Variants in SLC45A4 observed in about 807,000 individuals in gnomAD.
The protein encoded by SLC45A4 is solute carrier family 45 member 4.
In SLC45A4, 32 loss-of-function variants were observed where a neutral mutation model predicts 63.7. The observed-to-expected ratio is 0.50, with a 90% confidence interval of 0.38 to 0.67. The LOEUF (loss-of-function observed/expected upper bound fraction) is 0.67. Among genes scored for constraint, SLC45A4 ranks in the 30% least tolerant of loss-of-function variants. The pLI is 0.00. For missense variants in SLC45A4, 1,027 were observed against 1,157.7 expected (o/e 0.89, Z 1.64); for synonymous variants, 535 against 510.0 (o/e 1.05, Z -0.66).
chr8:141,286,369 G>A (rs753470805), intron 1 of SLC45A4, among the ~76,000 whole-genome samples: 1 of 152,196 alleles, frequency 6.6e-6, no homozygotes, highest in Non-Finnish European at 1.5e-5. Flanking sequence ...CAGTCCGAGA[G>A]GTGGCCTCAC....
intron 1 of SLC45A4, among the ~76,000 whole-genome samples, chr8:141,282,990 C>T (rs530129309): frequency 2.0e-5 from 3 of 152,232 alleles, no homozygotes; most frequent in Non-Finnish European, 2.9e-5. Context: ...AGCTGCAGAC[C>T]GGCATCCTGC....
chr8:141,235,478 AGACCC>A (rs2154614401), intron 2 of SLC45A4, among the ~76,000 whole-genome samples: 1 of 152,302 alleles, frequency 6.6e-6, no homozygotes, highest in Admixed American at 6.5e-5. Context: ...GAAGGACCAA[AGACCC>A]TCTGTGAACC....
chr8:141,252,178 GA>G (rs1327445030), intron 2 of SLC45A4: 2 of 151,762 alleles, frequency 1.3e-5, no homozygotes, highest in Admixed American at 1.3e-4. Context: ...TAAGGGTTTG[GA>G]AAATGACAGA....
intron 2 of SLC45A4, among the ~76,000 whole-genome samples, chr8:141,234,392 C>T (rs1426729543): frequency 6.6e-6 from 1 of 152,240 alleles, no homozygotes; most frequent in Non-Finnish European, 1.5e-5. Flanking sequence ...GGTGGGCTTC[C>T]TGGCCAGTGT....
chr8:141,212,142 G>GCCCCCCCCCCCC, intron 8 of SLC45A4, 55 bp downstream of exon 8: 1 of 491,698 alleles, frequency 2.0e-6, no homozygotes, highest in Non-Finnish European at 2.4e-6. Flanking sequence ...CCCGCCGCCC[G>GCCCCCCCCCCCC]CCCGCCCGCC....
rs768123911 is a variant in SLC45A4 at position 141,274,992 on chromosome 8, C to T, written c.-400-20363G>A. On this transcript the variant is annotated intron_variant, in intron 1 of 8. Coordinates refer to ENST00000517878, the MANE Select transcript of SLC45A4 (RefSeq NM_001286646.2). ...GAGGGCAGAACGGCCACTTTCTCTT[C>T]GTGCTCTCCTGTCTTCATGCAGGGA... Among the ~76,000 whole-genome samples, 31 of 152,234 alleles carry T rather than the reference C, an allele frequency of 2.0e-4. 1 individual carries two copies. The highest frequency in any genetic ancestry group is 3.9e-4 in the Admixed American group (6 of 15,286).
Position 141,212,237 on chromosome 8 carries a change from C to T in SLC45A4, c.2261G>A (p.Arg754Gln), listed in dbSNP as rs200254182. Residue 754 changes from arginine to glutamine, a missense_variant, in exon 8 of 9, where the codon CGG becomes CAG. Physicochemically the swap from Arg to Gln is conservative, Grantham distance 43. Coordinates refer to ENST00000517878, the MANE Select transcript of SLC45A4 (RefSeq NM_001286646.2). ...CACCGGTCCCTGCAGGCCCTCCTTC[C>T]GCGTGAGCTTCAGCACGGTGGGCTT... Reference protein sequence around the residue: ...SEKPTVLKLTRKEGLQGPVET... With the variant: ...SEKPTVLKLTQKEGLQGPVET... 25 of 1,560,564 alleles carry T rather than the reference C, an allele frequency of 1.6e-5. No individual in the cohort carries two copies. The highest frequency in any genetic ancestry group is 4.1e-5 in the African/African-American group (3 of 73,706).
At chr8:141,269,303 C>A (rs1166163799) in intron 1 of SLC45A4, among the ~76,000 whole-genome samples, 5 of 152,352 alleles carry the variant, frequency 3.3e-5, no homozygotes, top group African/African-American at 1.2e-4. Flanking sequence ...CATTTTGTGC[C>A]ACAAGTCAGG....
chr8:141,234,502 A>G (rs1249147121), intron 2 of SLC45A4, among the ~76,000 whole-genome samples: 1 of 152,140 alleles, frequency 6.6e-6, no homozygotes, highest in Non-Finnish European at 1.5e-5. Flanking sequence ...TACTACATTT[A>G]GCATCTTTCT....
intron 2 of SLC45A4, chr8:141,252,669 A>G (rs1347731913): frequency 3.0e-5 from 3 of 99,968 alleles, no homozygotes; most frequent in African/African-American, 1.3e-4. Context: ...TTCCGTTTTC[A>G]CGCCCACCTG....
chr8:141,234,901 C>T (rs943239309), intron 2 of SLC45A4, among the ~76,000 whole-genome samples: 13 of 152,206 alleles, frequency 8.5e-5, no homozygotes, highest in African/African-American at 2.9e-4. Flanking sequence ...CAGCCTGGAA[C>T]GGCTGTCCCC....
At chr8:141,242,722 G>C (rs77992315) in intron 2 of SLC45A4, among the ~76,000 whole-genome samples, 19,939 of 152,186 alleles carry the variant, frequency 0.13, 1,643 homozygotes, top group East Asian at 0.28. Context: ...CTCACAGGCT[G>C]CTGGGAAGAG....
intron 2 of SLC45A4, among the ~76,000 whole-genome samples, chr8:141,250,781 C>T (rs12375300): frequency 0.36 from 54,156 of 152,026 alleles, 9,811 homozygotes; most frequent in East Asian, 0.48. Context: ...GTATTTTCAA[C>T]GATGGGTTTA....
At chr8:141,244,954 GGGT>G (rs1164199443) in intron 2 of SLC45A4, among the ~76,000 whole-genome samples, 1 of 87,422 alleles carries the variant, frequency 1.1e-5, no homozygotes, top group African/African-American at 3.5e-5. Context: ...AAGAAGACGT[GGGT>G]GGGGGGGGGG....
chr8:141,299,657 A>G (rs993889239), intron 1 of SLC45A4, among the ~76,000 whole-genome samples: 16 of 152,224 alleles, frequency 1.1e-4, no homozygotes, highest in Admixed American at 3.3e-4. Context: ...GCAACACGAA[A>G]AAAACCACTA....
At position 141,212,320 on chromosome 8, in the gene SLC45A4, C is replaced by T. The variant is rs776858470; in HGVS notation, c.2178G>A (p.Glu726=). 1.9e-6 allele frequency: 3 copies of T among 1,611,140 alleles called. No individual in the cohort carries two copies. The highest frequency in any genetic ancestry group is 1.7e-5 in the Admixed American group (1 of 59,944). ...YPNVSEEAKE[E]QKGLSSPLAG... ...CCAACGGGGAAGACAGGCCTTTCTG[C>T]TCCTCCTTGGCCTCCTCTGACACGT... The change falls in exon 8 of 9, where the codon GAG becomes GAA. Residue 726 remains glutamate (E), a synonymous_variant. Coordinates refer to ENST00000517878, the MANE Select transcript of SLC45A4 (RefSeq NM_001286646.2).
chr8:141,232,650 C>T (rs1399705506), intron 2 of SLC45A4, among the ~76,000 whole-genome samples: 3 of 148,486 alleles, frequency 2.0e-5, no homozygotes, highest in South Asian at 2.2e-4. Context: ...CAAGCTGCAA[C>T]GGGAACACAG....
At chr8:141,304,690 C>T (rs1830847435) in intron 1 of SLC45A4, among the ~76,000 whole-genome samples, 1 of 152,032 alleles carries the variant, frequency 6.6e-6, no homozygotes, top group Admixed American at 6.5e-5. Flanking sequence ...GTGCTATTTC[C>T]CGCAATCTAA....
intron 1 of SLC45A4, among the ~76,000 whole-genome samples, chr8:141,275,918 T>TA (rs1829711957): frequency 6.8e-6 from 1 of 148,062 alleles, no homozygotes; most frequent in South Asian, 2.1e-4. Flanking sequence ...AAACTTTACT[T>TA]TTTTTTTTTT....
Sources: gnomAD v4.1 joint callset for allele counts (sites outside exome capture counted in the v4.1 genomes callset) on GRCh38, gnomAD v4.1.1 for gene constraint, MANE v1.5 for transcripts, NCBI Gene and HGNC (gene_info 2026-07-23, HGNC 2026-07-21) for gene names.